Variants in WWOX observed in about 807,000 individuals in gnomAD.
WWOX encodes WW domain-containing oxidoreductase.
A neutral mutation model predicts 46.2 loss-of-function variants in WWOX; 69 were observed. The ratio of observed to expected loss-of-function variants is 1.49; its 90% confidence interval spans 1.23 to 1.82. The LOEUF is 1.82. Ranked by LOEUF, WWOX falls within the 40% of genes most tolerant of loss-of-function variation. The pLI, the probability that WWOX is intolerant of heterozygous loss-of-function variation, is 0.00. For synonymous variants in WWOX, 359 were observed against 202.6 expected (o/e 1.77, Z -6.56); for missense variants, 919 against 542.6 (o/e 1.69, Z -6.89).
chr16:78,850,147 T>C (rs1055853124), intron 8 of WWOX, among the ~76,000 whole-genome samples: 3 of 151,794 alleles, frequency 2.0e-5, no homozygotes, highest in Admixed American at 6.6e-5. Context: ...AGTTTCTGTG[T>C]GTGTGAGTGT....
At chr16:78,784,891 C>G (rs1191556444) in intron 8 of WWOX, among the ~76,000 whole-genome samples, 7 of 152,134 alleles carry the variant, frequency 4.6e-5, no homozygotes, top group Admixed American at 2.6e-4. Context: ...TGCCTCTTGA[C>G]AATCTGTGGT....
At chr16:78,679,941 T>A (rs1390443151) in intron 8 of WWOX, among the ~76,000 whole-genome samples, 1 of 152,176 alleles carries the variant, frequency 6.6e-6, no homozygotes, top group Non-Finnish European at 1.5e-5. Context: ...TTTTGTGCCT[T>A]GCAAATCCTC....
intron 8 of WWOX, among the ~76,000 whole-genome samples, chr16:78,791,242 A>G (rs17723058): frequency 0.38 from 57,137 of 151,564 alleles, 10,829 homozygotes; most frequent in East Asian, 0.43. Context: ...CATGGGAAGC[A>G]AACACACACC....
intron 8 of WWOX, among the ~76,000 whole-genome samples, chr16:79,047,143 T>G (rs2048080514): frequency 6.6e-6 from 1 of 152,210 alleles, no homozygotes; most frequent in Admixed American, 6.5e-5. Flanking sequence ...CATTCATTTA[T>G]TCTTTCATTC....
At chr16:78,703,671 TC>T (rs772707673) in intron 8 of WWOX, among the ~76,000 whole-genome samples, 1 of 151,972 alleles carries the variant, frequency 6.6e-6, no homozygotes, top group Non-Finnish European at 1.5e-5. Flanking sequence ...AAAGAAAGAA[TC>T]ACCATAAAAA....
At chr16:78,151,298 C>T (rs2034398621) in intron 4 of WWOX, among the ~76,000 whole-genome samples, 1 of 152,126 alleles carries the variant, frequency 6.6e-6, no homozygotes, top group African/African-American at 2.4e-5. Context: ...TGTGGGGGGC[C>T]TGATGGTGGG....
At chr16:78,475,084 C>G (rs2084322361) in intron 8 of WWOX, among the ~76,000 whole-genome samples, 1 of 152,146 alleles carries the variant, frequency 6.6e-6, no homozygotes, top group African/African-American at 2.4e-5. Flanking sequence ...AAATCTGTGA[C>G]TGATAAAACC....
At chr16:79,174,502 A>G (rs140108160) in intron 8 of WWOX, among the ~76,000 whole-genome samples, 6,713 of 152,254 alleles carry the variant, frequency 0.044, 206 homozygotes, top group East Asian at 0.16. Context: ...TACAAAAATT[A>G]GCCAGGCGTG....
intron 8 of WWOX, among the ~76,000 whole-genome samples, chr16:78,773,272 C>T (rs2050109356): frequency 6.6e-6 from 1 of 152,162 alleles, no homozygotes; most frequent in Non-Finnish European, 1.5e-5. Flanking sequence ...ACCCCATGTT[C>T]CTTCTACTAC....
intron 8 of WWOX, among the ~76,000 whole-genome samples, chr16:78,733,957 G>A (rs988423993): frequency 3.9e-5 from 6 of 151,926 alleles, no homozygotes; most frequent in African/African-American, 7.3e-5. Context: ...GTAGTTGGGA[G>A]GCTGAGGCGG....
At chr16:78,727,095 T>C (rs1405506730) in intron 8 of WWOX, among the ~76,000 whole-genome samples, 1 of 152,068 alleles carries the variant, frequency 6.6e-6, no homozygotes, top group Non-Finnish European at 1.5e-5. Flanking sequence ...AATGCATCCA[T>C]GGAATATGAA....
At chr16:78,482,531 C>G (rs924837858) in intron 8 of WWOX, among the ~76,000 whole-genome samples, 5 of 152,156 alleles carry the variant, frequency 3.3e-5, no homozygotes, top group East Asian at 1.9e-4. Context: ...CCAAATAACT[C>G]CATTATTTAA....
intron 8 of WWOX, among the ~76,000 whole-genome samples, chr16:78,828,348 G>A (rs898274102): frequency 6.6e-6 from 1 of 152,110 alleles, no homozygotes; most frequent in East Asian, 1.9e-4. Flanking sequence ...AGGAGGTTGG[G>A]CTGGAGGTGA....
At chr16:78,758,542 C>G (rs565813211) in intron 8 of WWOX, among the ~76,000 whole-genome samples, 2 of 152,364 alleles carry the variant, frequency 1.3e-5, no homozygotes, top group East Asian at 1.9e-4. Flanking sequence ...ACGCCACTAT[C>G]TATACTTTTC....
intron 5 of WWOX, among the ~76,000 whole-genome samples, chr16:78,371,399 C>G (rs6564533): frequency 0.011 from 1,614 of 152,286 alleles, 35 homozygotes; most frequent in African/African-American, 0.037. Flanking sequence ...TGTGATCTGG[C>G]TCATGGTTAA....
chr16:78,172,276 T>G (rs907379252), intron 5 of WWOX, among the ~76,000 whole-genome samples: 1 of 152,216 alleles, frequency 6.6e-6, no homozygotes, highest in East Asian at 1.9e-4. Flanking sequence ...AGGAAGCTCT[T>G]TCCTTCGCCT....
rs1196169457 is a variant in WWOX, at chr16:78,709,755, ATCTC to A, written c.1056+277009_1056+277012del. On this transcript the variant is annotated intron_variant, in intron 8 of 8. Coordinates refer to ENST00000566780, the MANE Select transcript of WWOX (RefSeq NM_016373.4). Reference sequence around the variant, plus strand: ...AAGCATTTTTTTTTTTTTTGTGATAATCTCTCTCTGTCACCCACGCTGGAGTGCA... The same window carrying A: ...AAGCATTTTTTTTTTTTTTGTGATAATCTCTGTCACCCACGCTGGAGTGCA... 5.4e-5 allele frequency among the ~76,000 whole-genome samples: 8 copies of A among 148,770 alleles called. No individual in the cohort carries two copies. In the South Asian group the frequency reaches 1.5e-3, roughly 28 times the overall value.
At chr16:79,111,987 T>A (rs1272361584) in intron 8 of WWOX, among the ~76,000 whole-genome samples, 1 of 152,026 alleles carries the variant, frequency 6.6e-6, no homozygotes, top group African/African-American at 2.4e-5. Flanking sequence ...TTAAGCACCA[T>A]CCCCAAACTC....
chr16:78,686,312 C>T (rs865802957), intron 8 of WWOX, among the ~76,000 whole-genome samples: 1 of 151,846 alleles, frequency 6.6e-6, no homozygotes, highest in South Asian at 2.1e-4. Context: ...GAGATCCAGA[C>T]CATCCTGGCT....
Sources: allele counts gnomAD v4.1 joint callset (sites outside exome capture counted in the v4.1 genomes callset), GRCh38; gene constraint gnomAD v4.1.1; transcripts MANE v1.5; gene names NCBI Gene and HGNC (gene_info 2026-07-23, HGNC 2026-07-21).